EYA1: variants seen among roughly 807,000 people sequenced by gnomAD.
EYA1 encodes the protein EYA transcriptional coactivator and phosphatase 1, also known as protein phosphatase EYA1.
Under a neutral mutation model 82.0 loss-of-function variants are expected in EYA1, and 16 were observed. That is an observed-to-expected ratio of 0.20 (90% confidence interval 0.13 to 0.30). The LOEUF (loss-of-function observed/expected upper bound fraction) is 0.30, where lower values mean the gene tolerates loss of function less well. EYA1 is among the 10% of genes least tolerant of loss of function. The pLI is 1.00. For missense variants in EYA1, 633 were observed against 730.7 expected (o/e 0.87, Z 1.54); for synonymous variants, 261 against 264.4 (o/e 0.99, Z 0.12).
rs1193445416 is a variant in EYA1, at chr8:71,408,925, T to C, written c.34-52414A>G. ...CCCAAATCAACAGAATATACATTTTTTTCAGCACCACACCACACCTATTCC... is the reference window on the plus strand; with the variant it reads ...CCCAAATCAACAGAATATACATTTTCTTCAGCACCACACCACACCTATTCC... On this transcript the variant is annotated intron_variant, in intron 2 of 18. Coordinates refer to the EYA1 transcript ENST00000643681. Among the ~76,000 whole-genome samples the C allele has an allele frequency of 2.7e-5, 3 of 111,284 alleles. No homozygotes were observed. The East Asian group carries it at 6.7e-4, about 25-fold the overall frequency. 73.0% of individuals were successfully genotyped at this position (111,284 alleles called of 152,430 possible).
Position 71,279,478 on chromosome 8 carries a change from C to T in EYA1, c.827-7581G>A, listed in dbSNP as rs182934665. On this transcript the variant is annotated intron_variant, in intron 9 of 17. Coordinates refer to ENST00000340726, the MANE Select transcript of EYA1 (RefSeq NM_000503.6). The stretch of plus-strand genomic sequence containing the variant: ...GAAGGCAAGGATATTATAGTTCTTC[C>T]GTGGCATTCCCCATAGGGAAGCAGA... Among the ~76,000 whole-genome samples, 134 of 152,260 alleles carry T rather than the reference C, an allele frequency of 8.8e-4. 3 individuals carry two copies. Among genetic ancestry groups the T allele is most frequent in the Admixed American group, 7.1e-3 (108 of 15,304 alleles).
Position 71,476,983 on chromosome 8 carries a change from G to C in EYA1, c.33+58761C>G, listed in dbSNP as rs543170144. On this transcript the variant is annotated intron_variant, in intron 2 of 18. Transcript: ENST00000643681. ...AAGACCATTCAACAGGGAAAGAATAGTCTTTTCAACAAATAGTTTTGGAAC... is the reference window on the plus strand; with the variant it reads ...AAGACCATTCAACAGGGAAAGAATACTCTTTTCAACAAATAGTTTTGGAAC... 2.0e-5 allele frequency among the ~76,000 whole-genome samples: 3 copies of C among 152,108 alleles called. No individual in the cohort carries two copies. In the South Asian group the frequency reaches 6.2e-4, roughly 32 times the overall value.
intron 17 of EYA1, among the ~76,000 whole-genome samples, chr8:71,202,943 C>A (rs2128810655): frequency 6.6e-6 from 1 of 152,272 alleles, no homozygotes; most frequent in Admixed American, 6.5e-5. Context: ...TAAGTACGTA[C>A]TGATGTGAAG....
Position 71,321,783 on chromosome 8 carries a change from GGCT to G in EYA1, c.366_368del (p.Ala123del). On this transcript the variant is annotated inframe_deletion, in exon 6 of 18. Transcript: ENST00000340726. ...GTCCTGGCTGTGGGTACGTGGCATAGGCTGTAGCTTGTTGCATTCCTGTGGTAA... is the reference window on the plus strand; with the variant it reads ...GTCCTGGCTGTGGGTACGTGGCATAGGTAGCTTGTTGCATTCCTGTGGTAA... 1 of 1,614,238 alleles carries G rather than the reference GGCT, an allele frequency of 6.2e-7. No homozygotes were observed. Among genetic ancestry groups the G allele is most frequent in the Non-Finnish European group, 8.5e-7 (1 of 1,180,042 alleles).
intron 3 of EYA1, among the ~76,000 whole-genome samples, chr8:71,342,706 TA>T (rs1825279062): frequency 6.6e-6 from 1 of 152,210 alleles, no homozygotes; most frequent in Admixed American, 6.5e-5. Context: ...TGTGGCCTGT[TA>T]ATTTCCTCAC....
At chr8:71,461,859 G>C (rs182794594) in intron 2 of EYA1, among the ~76,000 whole-genome samples, 2 of 152,252 alleles carry the variant, frequency 1.3e-5, no homozygotes, top group Admixed American at 6.5e-5. Flanking sequence ...CTAGCAGAGA[G>C]AGTAGCTCCT....
At chr8:71,484,562 T>C (rs955785523) in intron 2 of EYA1, among the ~76,000 whole-genome samples, 1 of 152,228 alleles carries the variant, frequency 6.6e-6, no homozygotes, top group Non-Finnish European at 1.5e-5. Flanking sequence ...GTCATTCCTA[T>C]GTTGCTGTTT....
At chr8:71,274,079 C>A (rs1451159114) in intron 9 of EYA1, among the ~76,000 whole-genome samples, 3 of 152,036 alleles carry the variant, frequency 2.0e-5, no homozygotes, top group Non-Finnish European at 4.4e-5. Context: ...CTTTTGTAAG[C>A]CTCTTTCCAA....
intron 2 of EYA1, among the ~76,000 whole-genome samples, chr8:71,371,087 T>C (rs527467097): frequency 3.3e-4 from 51 of 152,240 alleles, no homozygotes; most frequent in African/African-American, 1.2e-3. Flanking sequence ...ATTTTAGCAA[T>C]TGATGATACT....
At chr8:71,367,552 GA>G (rs3066860) in intron 2 of EYA1, among the ~76,000 whole-genome samples, 25,537 of 135,446 alleles carry the variant, frequency 0.19, 2,792 homozygotes, top group African/African-American at 0.33. Context: ...TCCCAAATCG[GA>G]AAAAAAAAAA....
chr8:71,327,067 TTTG>T (rs1823243581), intron 4 of EYA1, among the ~76,000 whole-genome samples: 2 of 152,320 alleles, frequency 1.3e-5, no homozygotes, highest in South Asian at 4.1e-4. Context: ...TTGATCAGCT[TTTG>T]TTTTCTTCTT....
chr8:71,514,577 A>G (rs973859645), intron 2 of EYA1, among the ~76,000 whole-genome samples: 3 of 152,162 alleles, frequency 2.0e-5, no homozygotes, highest in Non-Finnish European at 2.9e-5. Flanking sequence ...TGTGAAACGC[A>G]CTTCTTATAT....
At chr8:71,231,506 C>T (rs17782527) in intron 12 of EYA1, among the ~76,000 whole-genome samples, 20,790 of 152,238 alleles carry the variant, frequency 0.14, 1,788 homozygotes, top group Non-Finnish European at 0.2. Context: ...TCTGCCTTGC[C>T]ACCTCTCCCC....
At chr8:71,295,146 A>G (rs1819463048) in intron 9 of EYA1, among the ~76,000 whole-genome samples, 1 of 152,182 alleles carries the variant, frequency 6.6e-6, no homozygotes, top group South Asian at 2.1e-4. Flanking sequence ...AGATAGTAAC[A>G]CAGGAGAAAA....
chr8:71,265,192 C>T (rs1185607208), intron 11 of EYA1, among the ~76,000 whole-genome samples: 3 of 151,942 alleles, frequency 2.0e-5, no homozygotes, highest in Non-Finnish European at 2.9e-5. Flanking sequence ...TGAAGCTTCA[C>T]CTACTTTCAA....
intron 2 of EYA1, among the ~76,000 whole-genome samples, chr8:71,410,538 A>G (rs201667820): frequency 0.085 from 9,046 of 106,048 alleles, 167 homozygotes; most frequent in Middle Eastern, 0.14. Flanking sequence ...AAGTCTCAGG[A>G]TACAAAATCA....
intron 2 of EYA1, among the ~76,000 whole-genome samples, chr8:71,415,891 G>T (rs1830827724): frequency 6.6e-6 from 1 of 152,220 alleles, no homozygotes; most frequent in African/African-American, 2.4e-5. Context: ...AATCCCTGTA[G>T]AGAGGAAACT....
chr8:71,419,755 T>A (rs1037840364), intron 2 of EYA1, among the ~76,000 whole-genome samples: 1 of 152,150 alleles, frequency 6.6e-6, no homozygotes, highest in African/African-American at 2.4e-5. Context: ...ACTTTACTAG[T>A]TCTATAATTA....
chr8:71,241,312 A>C (rs1812458242), intron 12 of EYA1, among the ~76,000 whole-genome samples: 1 of 152,230 alleles, frequency 6.6e-6, no homozygotes, highest in East Asian at 1.9e-4. Flanking sequence ...TATGAAACTA[A>C]AATGAATTAA....
Sources: gnomAD v4.1 joint callset for allele counts (sites outside exome capture counted in the v4.1 genomes callset) on GRCh38, gnomAD v4.1.1 for gene constraint, MANE v1.5 for transcripts, NCBI Gene and HGNC (gene_info 2026-07-23, HGNC 2026-07-21) for gene names.